TUBGCP5: variants seen among roughly 807,000 people sequenced by gnomAD.
TUBGCP5 encodes the protein tubulin gamma complex component 5.
In TUBGCP5, 98 loss-of-function variants were observed where a neutral mutation model predicts 134.7. That is an observed-to-expected ratio of 0.73 (90% CI 0.62 to 0.86). The LOEUF (loss-of-function observed/expected upper bound fraction) is 0.86. TUBGCP5 is among the 40% of genes least tolerant of loss of function. The probability of loss-of-function intolerance (pLI) is 0.00; values close to 1 mark genes in which losing one functional copy is unlikely to be tolerated. For synonymous variants in TUBGCP5, 456 were observed against 431.4 expected, an observed-to-expected ratio of 1.06 and a Z score of -0.71; for missense variants, 1,150 against 1,244.8, an observed-to-expected ratio of 0.92 and a Z score of 1.15.
At chr15:23,025,402 C>T (rs1032958290) in intron 8 of TUBGCP5, among the ~76,000 whole-genome samples, 1 of 152,132 alleles carries the variant, frequency 6.6e-6, no homozygotes, top group African/African-American at 2.4e-5. Context: ...TCTAAGAATG[C>T]GAGCATGTCA....
rs751950870 is a variant in TUBGCP5, at chr15:23,008,863, T to G, written c.2163A>C (p.Gln721His). ...KKDYRLVEYL[Q>H]AMRNFFLMEG... ...CCATTAAGAAAAAATTCCTCATAGC[T>G]TGCAAGTATTCTACCAACCTGAATG... Residue 721 changes from glutamine to histidine, a missense_variant, in exon 16 of 23, where the codon CAA (glutamine) becomes CAC (histidine). Around this residue, in one of 2 missense-constraint regions of TUBGCP5, gnomAD observed 697 missense variants for 850.1 expected, o/e 0.82. Coordinates refer to ENST00000615383, the MANE Select transcript of TUBGCP5 (RefSeq NM_052903.6). 30 of 1,574,196 alleles carry G rather than the reference T, an allele frequency of 1.9e-5. No individual in the cohort carries two copies.
At position 23,010,148 on chromosome 15, in the gene TUBGCP5, T is replaced by G. The variant is rs756890513; in HGVS notation, c.1956-15A>C. 15 of 1,604,600 alleles carry G rather than the reference T, an allele frequency of 9.3e-6. No homozygotes were observed. In the African/African-American group the frequency reaches 2.0e-4, roughly 21 times the overall value. On this transcript the variant is annotated splice_polypyrimidine_tract_variant and intron_variant, in intron 14 of 22. Coordinates refer to ENST00000615383, the MANE Select transcript of TUBGCP5 (RefSeq NM_052903.6). ...CCAAATACATCCTTCAAGATAAAAA[T>G]GTGAGTCTTCTTTTTATGAGCTGCT... is the stretch of plus-strand genomic sequence containing the variant.
At chr15:23,016,497 G>GAAA (rs34275068) in intron 13 of TUBGCP5, among the ~76,000 whole-genome samples, 521 of 102,810 alleles carry the variant, frequency 5.1e-3, no homozygotes, top group Non-Finnish European at 6.5e-3. Context: ...TCTGTCTCAG[G>GAAA]AAAAAAAAAA....
intron 23 of TUBGCP5, among the ~76,000 whole-genome samples, chr15:22,987,348 A>G (rs1224547726): frequency 2.6e-5 from 4 of 151,906 alleles, no homozygotes; most frequent in African/African-American, 4.8e-5. Context: ...AAAAAAAAAA[A>G]AAAGAAAAGA....
chr15:23,012,039 A>C (rs568041293), intron 13 of TUBGCP5, among the ~76,000 whole-genome samples: 2 of 150,020 alleles, frequency 1.3e-5, no homozygotes, highest in South Asian at 4.2e-4. Flanking sequence ...GAGCACTGGC[A>C]GGTGAAGGTT....
In TUBGCP5 at chr15:23,023,982, T is replaced by A. The variant is rs756967147; in HGVS notation, c.1133A>T (p.Glu378Val). Residue 378 changes from glutamate to valine, a missense_variant, in exon 10 of 23, where the codon GAA becomes GTA. By Grantham distance (121) the Glu-to-Val change is moderately radical. This residue lies in a region of TUBGCP5 where 697 missense variants were observed against 850.1 expected (regional missense o/e 0.82). Coordinates refer to ENST00000615383, the MANE Select transcript of TUBGCP5 (RefSeq NM_052903.6). Reference protein sequence around the residue: ...LYKYFISFKEELAEIEKCIIN... With the variant: ...LYKYFISFKEVLAEIEKCIIN... ...GATGCACTTCTCAATTTCTGCAAGTTCCTCTTTGAAACTAATGAAATATTT... is the reference window on the plus strand; with the variant it reads ...GATGCACTTCTCAATTTCTGCAAGTACCTCTTTGAAACTAATGAAATATTT... 1 of 1,613,926 alleles carries A rather than the reference T, an allele frequency of 6.2e-7. No individual in the cohort carries two copies. The highest frequency in any genetic ancestry group is 8.5e-7 in the Non-Finnish European group (1 of 1,179,968).
chr15:23,014,749 C>A (rs2065222056), intron 13 of TUBGCP5, among the ~76,000 whole-genome samples: 1 of 152,168 alleles, frequency 6.6e-6, no homozygotes, highest in Non-Finnish European at 1.5e-5. Context: ...TTATAGGTTA[C>A]CCCCAGCAAA....
At chr15:22,985,482 T>G (rs1408898143) in intron 23 of TUBGCP5, among the ~76,000 whole-genome samples, 1 of 151,910 alleles carries the variant, frequency 6.6e-6, no homozygotes. Context: ...CCTCCCAAAG[T>G]GCTAGGATTA....
At chr15:23,019,515 A>C in intron 11 of TUBGCP5, 181 bp from the exon 12 acceptor site, 7 of 569,606 alleles carry the variant, frequency 1.2e-5, no homozygotes, top group Non-Finnish European at 2.2e-5. Context: ...ACTCACCTAA[A>C]TGCCGGGCGT....
chr15:23,032,232 C>T (rs895818279), intron 4 of TUBGCP5, among the ~76,000 whole-genome samples: 1 of 152,162 alleles, frequency 6.6e-6, no homozygotes, highest in Non-Finnish European at 1.5e-5. Context: ...TCTCTTTCTA[C>T]AGCTGAAGGT....
At position 23,030,886 on chromosome 15, in the gene TUBGCP5, T is replaced by C; in HGVS notation, c.621A>G (p.Lys207=). The C allele has an allele frequency of 6.2e-7, 1 of 1,610,346 alleles. No homozygotes were observed. Among genetic ancestry groups the C allele is most frequent in the Non-Finnish European group, 8.5e-7 (1 of 1,179,240 alleles). ...NRKLDPCISW[K]DEPDDRSWLE... ...CGAGCACCTCATAACACATAATACC[T>C]TTCCAACTGATACAAGGATCCAGTT... is the stretch of plus-strand genomic sequence containing the variant. The change falls in exon 6 of 23, where the codon AAA becomes AAG. Residue 207 remains lysine, a splice_region_variant and synonymous_variant. Transcript: ENST00000615383.
At chr15:23,029,564 TAGA>T (rs1048415106) in intron 6 of TUBGCP5, among the ~76,000 whole-genome samples, 15 of 152,234 alleles carry the variant, frequency 9.9e-5, no homozygotes, top group African/African-American at 3.6e-4. Context: ...AAAATGTCTA[TAGA>T]AGAATAAAAG....
rs771753882 is a variant in TUBGCP5 at position 23,004,086 on chromosome 15, G to A, written c.2838+16C>T. ...CGCCCAGCAGTGGCCACATCTGCAG[G>A]AGACATCTCATGTACCTTTTCTCTC... On this transcript the variant is annotated intron_variant, in intron 20 of 22. Coordinates refer to ENST00000615383, the MANE Select transcript of TUBGCP5 (RefSeq NM_052903.6). The A allele has an allele frequency of 8.1e-6, 13 of 1,600,766 alleles. No individual in the cohort carries two copies. Among genetic ancestry groups the A allele is most frequent in the South Asian group, 5.7e-5 (5 of 88,008 alleles).
chr15:22,992,385 G>A (rs952109940), intron 23 of TUBGCP5, among the ~76,000 whole-genome samples: 3 of 152,098 alleles, frequency 2.0e-5, no homozygotes, highest in Non-Finnish European at 2.9e-5. Context: ...TATGGAAACT[G>A]ACGAATCAGT....
intron 13 of TUBGCP5, among the ~76,000 whole-genome samples, chr15:23,014,926 G>A (rs1470675000): frequency 1.3e-5 from 2 of 152,124 alleles, no homozygotes; most frequent in Non-Finnish European, 2.9e-5. Context: ...TAAACCTATA[G>A]GCTGGCCAAG....
intron 11 of TUBGCP5, among the ~76,000 whole-genome samples, chr15:23,020,689 A>G (rs777292617): frequency 7.9e-5 from 12 of 152,172 alleles, no homozygotes; most frequent in Non-Finnish European, 1.5e-4. Flanking sequence ...TACATACCCA[A>G]CTAAGACTGT....
intron 21 of TUBGCP5, among the ~76,000 whole-genome samples, chr15:23,001,336 C>G (rs1042446795): frequency 4.0e-5 from 6 of 149,894 alleles, no homozygotes; most frequent in African/African-American, 1.5e-4. Context: ...AGCCATGGAG[C>G]CTGGCTGCCT....
intron 23 of TUBGCP5, among the ~76,000 whole-genome samples, chr15:22,988,544 T>C (rs140377028): frequency 0.015 from 2,204 of 151,392 alleles, 76 homozygotes; most frequent in African/African-American, 0.05. Context: ...CCATCCTGGC[T>C]AACACAGTGA....
intron 12 of TUBGCP5, 72 bp downstream of exon 12, chr15:23,019,147 A>G (rs886453906): frequency 9.1e-7 from 1 of 1,102,204 alleles, no homozygotes; most frequent in Non-Finnish European, 1.4e-6. Context: ...AACTAACGAA[A>G]GCATTTGATT....
Sources: gnomAD v4.1 joint callset for allele counts (sites outside exome capture counted in the v4.1 genomes callset) on GRCh38, gnomAD v4.1.1 for gene constraint, gnomAD v4.1.1 regional missense constraint, MANE v1.5 for transcripts, NCBI Gene and HGNC (gene_info 2026-07-23, HGNC 2026-07-21) for gene names.